CLVS1: variants seen among roughly 807,000 people sequenced by gnomAD.
CLVS1 encodes the protein clavesin 1.
A neutral mutation model predicts 33.1 loss-of-function variants in CLVS1; 10 were observed. The observed-to-expected ratio is 0.30, with a 90% CI of 0.19 to 0.51. The LOEUF (loss-of-function observed/expected upper bound fraction) is 0.51. Ranked by LOEUF, CLVS1 falls within the 20% of genes least tolerant of loss-of-function variation. The pLI, the probability that CLVS1 is intolerant of heterozygous loss-of-function variation, is 0.97. For missense variants in CLVS1, 343 were observed against 433.4 expected, an observed-to-expected ratio of 0.79 and a Z score of 1.85; for synonymous variants, 163 against 166.1, an observed-to-expected ratio of 0.98 and a Z score of 0.14.
chr8:61,420,312 A>G (rs1043869357), intron 3 of CLVS1, among the ~76,000 whole-genome samples: 8 of 152,194 alleles, frequency 5.3e-5, no homozygotes, highest in Non-Finnish European at 1.0e-4. Flanking sequence ...TTAAAAAAAC[A>G]TTGTTGGCCG....
chr8:61,110,433 A>G (rs112681533), intron 1 of CLVS1, among the ~76,000 whole-genome samples: 128 of 152,272 alleles, frequency 8.4e-4, no homozygotes, highest in African/African-American at 2.7e-3. Context: ...ACCTAGTCTA[A>G]GGCAGCAATC....
At chr8:61,443,450 T>C (rs965534521) in intron 3 of CLVS1, among the ~76,000 whole-genome samples, 1 of 152,256 alleles carries the variant, frequency 6.6e-6, no homozygotes, top group Non-Finnish European at 1.5e-5. Context: ...TTTTTGTTTT[T>C]TGTTTTCTCT....
intron 3 of CLVS1, among the ~76,000 whole-genome samples, chr8:61,415,773 A>G (rs2129604310): frequency 6.6e-6 from 1 of 152,328 alleles, no homozygotes; most frequent in Admixed American, 6.5e-5. Context: ...TTAATTGCAC[A>G]TGTGTAATTA....
intron 2 of CLVS1, among the ~76,000 whole-genome samples, chr8:61,207,377 T>TCCAGGGATGTGCAGTGGTGCATGGGC: frequency 1.3e-5 from 2 of 148,904 alleles, no homozygotes; most frequent in African/African-American, 2.5e-5. Flanking sequence ...GGTGCATGGG[T>TCCAGGGATGTGCAGTGGTGCATGGGC]TCCAGGGATG....
At chr8:60,965,741 A>G in the CLVS1 span, 3 of 152,160 alleles carry the variant, frequency 2.0e-5, no homozygotes, top group Admixed American at 1.3e-4. Context: ...GTTATTTCTG[A>G]TTCGTGGTGC....
chr8:60,966,362 T>A, the CLVS1 span: 74,652 of 454,910 alleles, frequency 0.16, 6,484 homozygotes, highest in South Asian at 0.22. Flanking sequence ...ATGACAAGAA[T>A]CACCCCAGGA....
intron 2 of CLVS1, among the ~76,000 whole-genome samples, chr8:61,256,645 CAA>C (rs768910491): frequency 1.3e-5 from 1 of 79,850 alleles, no homozygotes; most frequent in Non-Finnish European, 2.0e-5. Flanking sequence ...ATCTCAAAAA[CAA>C]AAAAAAAAAA....
At chr8:61,103,402 A>T (rs1352374275) in intron 1 of CLVS1, among the ~76,000 whole-genome samples, 1 of 152,228 alleles carries the variant, frequency 6.6e-6, no homozygotes, top group East Asian at 1.9e-4. Flanking sequence ...CATATTTTAA[A>T]CTGGATAAAC....
intron 2 of CLVS1, among the ~76,000 whole-genome samples, chr8:61,174,526 C>G (rs2129299167): frequency 6.6e-6 from 1 of 152,194 alleles, no homozygotes; most frequent in South Asian, 2.1e-4. Flanking sequence ...TGATAATGTG[C>G]AAAGTTAAAA....
Position 61,460,725 on chromosome 8 carries a change from G to A in CLVS1, c.977+2183G>A, listed in dbSNP as rs573905082. On this transcript the variant is annotated intron_variant, in intron 5 of 5. Coordinates refer to ENST00000325897, the MANE Select transcript of CLVS1 (RefSeq NM_173519.3). ...TTGTTGTTCTTTGGCCCTTCAGAAAGTCAGCAAGCAAAATGCTTGGACCAG... is the reference window on the plus strand; with the variant it reads ...TTGTTGTTCTTTGGCCCTTCAGAAAATCAGCAAGCAAAATGCTTGGACCAG... Among the ~76,000 whole-genome samples the A allele has an allele frequency of 2.6e-5, 4 of 152,254 alleles. No individual in the cohort carries two copies. The South Asian group carries it at 8.3e-4, about 32-fold the overall frequency.
At chr8:61,365,162 G>A (rs946356174) in intron 2 of CLVS1, among the ~76,000 whole-genome samples, 3 of 152,320 alleles carry the variant, frequency 2.0e-5, no homozygotes, top group East Asian at 1.9e-4. Context: ...ATGGTTATAA[G>A]AGTCAGGTTC....
chr8:61,112,796 T>C (rs1489054539), intron 1 of CLVS1, among the ~76,000 whole-genome samples: 2 of 151,742 alleles, frequency 1.3e-5, no homozygotes, highest in Non-Finnish European at 2.9e-5. Flanking sequence ...TCTCTGTAGT[T>C]TCCTTTTTTT....
intron 3 of CLVS1, among the ~76,000 whole-genome samples, chr8:61,403,807 C>T (rs1814867964): frequency 1.3e-5 from 2 of 152,148 alleles, no homozygotes; most frequent in African/African-American, 2.4e-5. Flanking sequence ...TAAAACAGAG[C>T]TTGGCACAGG....
chr8:61,090,799 G>A (rs935882054), intron 1 of CLVS1: 2 of 494,604 alleles, frequency 4.0e-6, no homozygotes, highest in African/African-American at 3.9e-5. Flanking sequence ...CCTCTAGGAT[G>A]GATTATATGC....
At chr8:61,249,827 A>G (rs1007409046) in intron 2 of CLVS1, among the ~76,000 whole-genome samples, 4 of 152,094 alleles carry the variant, frequency 2.6e-5, no homozygotes, top group African/African-American at 9.7e-5. Flanking sequence ...CCTTTGTCAG[A>G]TGTATACATT....
At chr8:61,344,836 T>C (rs1296405318) in intron 2 of CLVS1, among the ~76,000 whole-genome samples, 1 of 151,714 alleles carries the variant, frequency 6.6e-6, no homozygotes, top group Non-Finnish European at 1.5e-5. Flanking sequence ...TAAGTAGTAA[T>C]ATTAAAACCA....
At chr8:61,116,813 C>T (rs1416381691) in intron 1 of CLVS1, among the ~76,000 whole-genome samples, 1 of 138,796 alleles carries the variant, frequency 7.2e-6, no homozygotes, top group African/African-American at 2.8e-5. Context: ...GTGATGCCTC[C>T]AGCTTTGTTC....
chr8:61,119,914 T>A (rs1359327963), intron 1 of CLVS1, among the ~76,000 whole-genome samples: 3 of 138,162 alleles, frequency 2.2e-5, no homozygotes, highest in Non-Finnish European at 4.7e-5. Context: ...ATTTGAATGT[T>A]GGCCTGCCTT....
At chr8:61,356,817 C>G (rs1252719980) in intron 2 of CLVS1, among the ~76,000 whole-genome samples, 2 of 152,148 alleles carry the variant, frequency 1.3e-5, no homozygotes, top group South Asian at 4.1e-4. Context: ...GTTACTGTAG[C>G]CTTGTAATAT....
Sources: allele counts gnomAD v4.1 joint callset (sites outside exome capture counted in the v4.1 genomes callset), GRCh38; gene constraint gnomAD v4.1.1; transcripts MANE v1.5; gene names NCBI Gene and HGNC (gene_info 2026-07-23, HGNC 2026-07-21).